Variants in NLGN4X observed in about 807,000 individuals in gnomAD.
The protein encoded by NLGN4X is neuroligin-4, X-linked.
Under a neutral mutation model 40.3 loss-of-function variants are expected in NLGN4X, and 3 were observed. The ratio of observed to expected loss-of-function variants is 0.07; its 90% confidence interval spans 0.03 to 0.19. NLGN4X has a LOEUF of 0.19. Ranked by LOEUF, NLGN4X falls within the 10% of genes least tolerant of loss-of-function variation. NLGN4X has a pLI of 1.00. For synonymous variants in NLGN4X, 270 were observed against 306.8 expected (o/e 0.88, Z 1.25); for missense variants, 382 against 708.3 (o/e 0.54, Z 5.23).
At chrX:5,998,410 CAAAAA>C (rs11344030) in intron 3 of NLGN4X, among the ~76,000 whole-genome samples, 1 of 77,259 alleles carries the variant, frequency 1.3e-5, no homozygotes, top group Admixed American at 1.5e-4. Context: ...AACTCCTTCT[CAAAAA>C]AAAAAAAAAA....
chrX:5,972,856 T>C (rs1039044522), intron 3 of NLGN4X, among the ~76,000 whole-genome samples: 11 of 111,452 alleles, frequency 9.9e-5, no homozygotes, highest in African/African-American at 2.0e-4. Flanking sequence ...CAGATCTAAA[T>C]GTTTTTAAGA....
chrX:6,207,753 G>A (rs1286031605), intron 1 of NLGN4X, among the ~76,000 whole-genome samples: 1 of 111,329 alleles, frequency 9.0e-6, no homozygotes, highest in Non-Finnish European at 1.9e-5. Context: ...ATTAACATTG[G>A]AATAAAAATA....
intron 1 of NLGN4X, among the ~76,000 whole-genome samples, chrX:6,220,283 T>C (rs1925537409): frequency 1.6e-5 from 1 of 61,669 alleles, no homozygotes; most frequent in South Asian, 6.5e-4. Context: ...TTACTCATAC[T>C]GGTGAGCTAG....
intron 1 of NLGN4X, among the ~76,000 whole-genome samples, chrX:6,174,543 A>C (rs918716690): frequency 1.1e-4 from 12 of 112,391 alleles, no homozygotes; most frequent in African/African-American, 3.9e-4. Context: ...CCTAGATGCC[A>C]ATCAGTGGTG....
In NLGN4X at chrX:6,173,720, T is replaced by C. The variant is rs141962047; in HGVS notation, c.-305-21949A>G. On this transcript the variant is annotated intron_variant, in intron 1 of 5. Transcript: ENST00000381095. ...TTCTACTGGGTTGTCCACAGTTAGT[T>C]GAACCTTAGCATAAAAACTGAGTTT... is the stretch of plus-strand genomic sequence containing the variant. 5.5e-3 allele frequency among the ~76,000 whole-genome samples: 615 copies of C among 112,049 alleles called. 8 individuals are homozygous for C. Among genetic ancestry groups the C allele is most frequent in the African/African-American group, 0.019 (587 of 30,845 alleles).
At chrX:6,144,601 C>T (rs1312114761) in intron 2 of NLGN4X, among the ~76,000 whole-genome samples, 2 of 111,345 alleles carry the variant, frequency 1.8e-5, no homozygotes, top group Non-Finnish European at 3.8e-5. Flanking sequence ...GAGACTGCCA[C>T]CTGCGTTCCT....
chrX:6,021,259 G>A (rs2036547935), intron 3 of NLGN4X, among the ~76,000 whole-genome samples: 1 of 108,046 alleles, frequency 9.3e-6, no homozygotes, highest in African/African-American at 3.4e-5. Context: ...GATTTTCCTT[G>A]CCCAATAAAT....
intron 1 of NLGN4X, among the ~76,000 whole-genome samples, chrX:6,176,268 TC>T (rs1368057095): frequency 7.1e-5 from 8 of 112,402 alleles, no homozygotes; most frequent in Non-Finnish European, 1.3e-4. Flanking sequence ...CTGCCTAGCT[TC>T]CCTGTGTACA....
At chrX:6,170,899 C>A (rs1447825011) in intron 1 of NLGN4X, among the ~76,000 whole-genome samples, 1 of 111,749 alleles carries the variant, frequency 8.9e-6, no homozygotes, top group African/African-American at 3.3e-5. Flanking sequence ...TCACAACTCA[C>A]CGCAGCCCCA....
chrX:5,947,881 T>C (rs1166959996), intron 3 of NLGN4X, among the ~76,000 whole-genome samples: 1 of 112,291 alleles, frequency 8.9e-6, no homozygotes, highest in Non-Finnish European at 1.9e-5. Flanking sequence ...TTTTTAAATG[T>C]ATGTCTCATC....
intron 2 of NLGN4X, among the ~76,000 whole-genome samples, chrX:6,081,831 A>C (rs1262374026): frequency 1.8e-5 from 2 of 112,591 alleles, no homozygotes; most frequent in Admixed American, 1.9e-4. Flanking sequence ...AGGTTATAAA[A>C]GAAACACAAA....
At chrX:6,209,998 G>C (rs10482288) in intron 1 of NLGN4X, among the ~76,000 whole-genome samples, 2 of 110,887 alleles carry the variant, frequency 1.8e-5, no homozygotes, top group Non-Finnish European at 3.8e-5. Context: ...TTACAGGAGC[G>C]AGCCATCACA....
Position 5,903,766 on chromosome X carries a change from G to T in NLGN4X, c.912C>A (p.Val304=), listed in dbSNP as rs747131111. 1 of 1,211,751 alleles carries T rather than the reference G, an allele frequency of 8.3e-7. No homozygotes were observed. Among genetic ancestry groups the T allele is most frequent in the East Asian group, 3.0e-5 (1 of 33,789 alleles). ...AKYTRILADK[V]GCNMLDTTDM... Reference sequence around the variant, plus strand: ...CCGTGGTGTCCAGCATGTTGCAGCCGACCTTGTCTGCCAATATCCGAGTGT... The same window carrying T: ...CCGTGGTGTCCAGCATGTTGCAGCCTACCTTGTCTGCCAATATCCGAGTGT... The change falls in exon 5 of 6, where the codon GTC becomes GTA. Residue 304 remains valine, a synonymous_variant. Coordinates refer to ENST00000381095, the MANE Select transcript of NLGN4X (RefSeq NM_181332.3).
chrX:5,926,825 C>T (rs2033340482), intron 3 of NLGN4X, among the ~76,000 whole-genome samples: 2 of 108,677 alleles, frequency 1.8e-5, no homozygotes, highest in African/African-American at 6.7e-5. Context: ...CACACACACA[C>T]GTTCTTATAG....
At chrX:6,004,047 C>G (rs1381047970) in intron 3 of NLGN4X, among the ~76,000 whole-genome samples, 2 of 112,464 alleles carry the variant, frequency 1.8e-5, no homozygotes, top group Admixed American at 1.9e-4. Context: ...CCAGTGCACT[C>G]CAGTTCCCAC....
At chrX:5,963,157 G>C (rs1423436143) in intron 3 of NLGN4X, among the ~76,000 whole-genome samples, 1 of 110,001 alleles carries the variant, frequency 9.1e-6, no homozygotes, top group Non-Finnish European at 1.9e-5. Context: ...GTGAGGGGAG[G>C]GCTCAGAAAA....
chrX:5,997,973 A>C (rs1490280490), intron 3 of NLGN4X, among the ~76,000 whole-genome samples: 3 of 111,790 alleles, frequency 2.7e-5, no homozygotes, highest in Non-Finnish European at 5.6e-5. Context: ...AGGTATAAAC[A>C]TAAAGTGGAG....
rs146508097 is a variant in NLGN4X, at chrX:5,916,208, C to T, written c.626-6969G>A. Among the ~76,000 whole-genome samples the T allele has an allele frequency of 7.1e-3, 795 of 111,799 alleles. 4 individuals are homozygous for T. Among genetic ancestry groups the T allele is most frequent in the Non-Finnish European group, 0.012 (629 of 53,190 alleles). On this transcript the variant is annotated intron_variant, in intron 3 of 5. Coordinates refer to ENST00000381095, the MANE Select transcript of NLGN4X (RefSeq NM_181332.3). ...CTTTATTCTGATGCATAAAAATAGC[C>T]ACCCAAGGCTCCACAATTCACACGG... is the stretch of plus-strand genomic sequence containing the variant.
At chrX:5,980,276 C>T (rs1006384016) in intron 3 of NLGN4X, among the ~76,000 whole-genome samples, 21 of 108,942 alleles carry the variant, frequency 1.9e-4, no homozygotes, top group Non-Finnish European at 3.2e-4. Flanking sequence ...GGTACAATAC[C>T]TTCATCCGAT....
Sources: gnomAD v4.1 joint callset for allele counts (sites outside exome capture counted in the v4.1 genomes callset) on GRCh38, gnomAD v4.1.1 for gene constraint, MANE v1.5 for transcripts, NCBI Gene and HGNC (gene_info 2026-07-23, HGNC 2026-07-21) for gene names.